AHNAK: variants seen among roughly 807,000 people sequenced by gnomAD.
The protein encoded by AHNAK is AHNAK nucleoprotein.
In AHNAK, 23 loss-of-function variants were observed where a neutral mutation model predicts 37.8. That is an observed-to-expected ratio of 0.61 (90% CI 0.44 to 0.86). AHNAK has a LOEUF of 0.86. Among genes scored for constraint, AHNAK ranks in the 40% least tolerant of loss-of-function variants. The probability of loss-of-function intolerance (pLI) is 0.00; values close to 1 mark genes in which losing one functional copy is unlikely to be tolerated. For missense variants in AHNAK, 7,411 were observed against 7,319.4 expected, an observed-to-expected ratio of 1.01 and a Z score of -0.46; for synonymous variants, 2,481 against 2,636.3, an observed-to-expected ratio of 0.94 and a Z score of 1.80.
chr11:62,475,601 A>ATTT (rs1939126267), intron 5 of AHNAK, among the ~76,000 whole-genome samples: 1 of 36,224 alleles, frequency 2.8e-5, no homozygotes, highest in Non-Finnish European at 5.9e-5. Flanking sequence ...GTTATGTTAT[A>ATTT]CTTTTTTTTT....
Position 62,527,334 on chromosome 11 carries a change from A to T in AHNAK, c.7083T>A (p.Ala2361=). ...PKLDADMPEV[A]VEGPNGKWKT... is the part of the protein sequence containing the mutation. The stretch of plus-strand genomic sequence containing the variant: ...TCCACTTGCCATTTGGGCCTTCCAC[A>T]GCTACTTCTGGCATGTCAGCATCTA... Residue 2361 remains alanine (A), a synonymous_variant, in exon 5 of 5, where the codon GCT becomes GCA. Coordinates refer to ENST00000378024, the MANE Select transcript of AHNAK (RefSeq NM_001620.3). 6.2e-7 allele frequency: 1 copy of T among 1,613,856 alleles called. No homozygotes were observed. Among genetic ancestry groups the T allele is most frequent in the Non-Finnish European group, 8.5e-7 (1 of 1,179,904 alleles).
At chr11:62,495,753 A>T (rs1246964750) in intron 4 of AHNAK, among the ~76,000 whole-genome samples, 3 of 146,634 alleles carry the variant, frequency 2.0e-5, no homozygotes, top group Non-Finnish European at 4.4e-5. Flanking sequence ...AAAAAAAAAA[A>T]AATAGCAGTA....
intron 5 of AHNAK, among the ~76,000 whole-genome samples, chr11:62,447,058 A>G (rs55869750): frequency 0.051 from 7,725 of 152,076 alleles, 250 homozygotes; most frequent in Middle Eastern, 0.13. Context: ...GTTCTATGGA[A>G]ACAGCCCTCT....
In AHNAK at chr11:62,491,752, G is replaced by C. The variant is rs750169347; in HGVS notation, c.422C>G (p.Ser141Ter). 2.0e-5 allele frequency: 32 copies of C among 1,612,034 alleles called. No individual in the cohort carries two copies. The highest frequency in any genetic ancestry group is 1.6e-4 in the Middle Eastern group (1 of 6,082). The change falls in exon 5 of 6, where the codon TCA becomes TGA. Residue 141 changes from serine (S) to a stop codon, truncating the protein, a stop_gained. Transcript: ENST00000257247. LOFTEE classifies it high-confidence loss of function. ...CTCACCTGCATTTGGGGTGGAGACT[G>C]AAACTGCCCCGGCTTGGCTGCTGGC... is the stretch of plus-strand genomic sequence containing the variant.
rs1366113885 is a variant in AHNAK, at chr11:62,531,236, G to T, written c.3181C>A (p.His1061Asn). 1.9e-6 allele frequency: 3 copies of T among 1,613,944 alleles called. No individual in the cohort carries two copies. Among genetic ancestry groups the T allele is most frequent in the Non-Finnish European group, 1.7e-6 (2 of 1,179,946 alleles). ...KGPKFKMPEM[H>N]FRAPKMSLPD... ...AAAGACATCTTAGGAGCTCTGAAGTGCATCTCAGGCATCTTAAACTTCGGG... is the reference window on the plus strand; with the variant it reads ...AAAGACATCTTAGGAGCTCTGAAGTTCATCTCAGGCATCTTAAACTTCGGG... Residue 1061 changes from histidine to asparagine, a missense_variant, in exon 5 of 5, where the codon CAC becomes AAC. By Grantham distance (68) the His-to-Asn change is moderately conservative (BLOSUM62 1). Transcript: ENST00000378024.
At position 62,523,114 on chromosome 11, in the gene AHNAK, G is replaced by A; in HGVS notation, c.11303C>T (p.Pro3768Leu). ...ACCCTTGAGGTCACCTTCCATTTTG[G>A]GCAGAGAAACATCCACATCGCCCTT... ...KVKGDVDVSL[P>L]KMEGDLKGPE... Residue 3768 changes from proline (P) to leucine (L), a missense_variant, in exon 5 of 5, where the codon CCC becomes CTC. Pro to Leu is a moderately conservative substitution (Grantham distance 98). Transcript: ENST00000378024. The A allele has an allele frequency of 6.2e-7, 1 of 1,613,900 alleles. No homozygotes were observed. Among genetic ancestry groups the A allele is most frequent in the Admixed American group, 1.7e-5 (1 of 59,980 alleles).
Position 62,521,123 on chromosome 11 carries a change from C to A in AHNAK, c.13294G>T (p.Asp4432Tyr), listed in dbSNP as rs934335247. 6.2e-7 allele frequency: 1 copy of A among 1,613,932 alleles called. No individual in the cohort carries two copies. Among genetic ancestry groups the A allele is most frequent in the Non-Finnish European group, 8.5e-7 (1 of 1,179,992 alleles). ...KGPSLDIDTP[D>Y]VNIEGPEGKL... ...CCTTCCGGACCTTCAATATTGACAT[C>A]AGGTGTGTCAATGTCCAAACTGGGG... Residue 4432 changes from aspartate (D) to tyrosine (Y), a missense_variant, in exon 5 of 5, where the codon GAT (aspartate) becomes TAT (tyrosine). By Grantham distance (160) the Asp-to-Tyr change is radical. Transcript: ENST00000378024.
intron 5 of AHNAK, among the ~76,000 whole-genome samples, chr11:62,481,966 C>T (rs1939285913): frequency 1.3e-5 from 2 of 152,114 alleles, no homozygotes; most frequent in African/African-American, 4.8e-5. Flanking sequence ...CCCACCATTC[C>T]CCAATGCATG....
In AHNAK at chr11:62,530,454, G is replaced by C; in HGVS notation, c.3963C>G (p.Pro1321=). Residue 1321 remains proline, a synonymous_variant, in exon 5 of 5, where the codon CCC becomes CCG. Transcript: ENST00000378024. ...FKMPEMHFKA[P]KISMPDVDLN... ...GGTCCACATCAGGCATGGAGATCTTGGGGGCCTTGAAGTGCATCTCAGGCA... is the reference window on the plus strand; with the variant it reads ...GGTCCACATCAGGCATGGAGATCTTCGGGGCCTTGAAGTGCATCTCAGGCA... 2 of 1,613,940 alleles carry C rather than the reference G, an allele frequency of 1.2e-6. No individual in the cohort carries two copies. Among genetic ancestry groups the C allele is most frequent in the Non-Finnish European group, 1.7e-6 (2 of 1,179,990 alleles).
chr11:62,518,418 A>G lies in AHNAK; in HGVS notation c.15999T>C (p.Gly5333=). The change falls in exon 5 of 5, where the codon GGT becomes GGC. Residue 5333 remains glycine, a synonymous_variant. Coordinates refer to ENST00000378024, the MANE Select transcript of AHNAK (RefSeq NM_001620.3). ...KVHAPGLNLS[G]VGGKMQVGGD... ...CTCCCACCTGCATTTTGCCACCGACACCACTGAGGTTGAGCCCTGGAGCAT... is the reference window on the plus strand; with the variant it reads ...CTCCCACCTGCATTTTGCCACCGACGCCACTGAGGTTGAGCCCTGGAGCAT... 3.1e-6 allele frequency: 5 copies of G among 1,614,076 alleles called. No individual in the cohort carries two copies. Among genetic ancestry groups the G allele is most frequent in the Non-Finnish European group, 4.2e-6 (5 of 1,180,004 alleles).
At chr11:62,446,480 G>A (rs1272726418) in intron 5 of AHNAK, among the ~76,000 whole-genome samples, 2 of 152,158 alleles carry the variant, frequency 1.3e-5, no homozygotes, top group East Asian at 3.9e-4. Context: ...GCTTTGTCCC[G>A]GGACTTCCCA....
At chr11:62,542,257 CT>C (rs1941152349) in intron 1 of AHNAK, among the ~76,000 whole-genome samples, 1 of 152,022 alleles carries the variant, frequency 6.6e-6, no homozygotes, top group South Asian at 2.1e-4. Flanking sequence ...GACAGTTGTC[CT>C]GCAGGTCCCT....
intron 5 of AHNAK, among the ~76,000 whole-genome samples, chr11:62,460,485 G>A (rs144657704): frequency 2.8e-3 from 428 of 152,304 alleles, no homozygotes; most frequent in African/African-American, 9.5e-3. Flanking sequence ...CCCAGTTGGC[G>A]TGACTTGATA....
intron 5 of AHNAK, among the ~76,000 whole-genome samples, chr11:62,465,430 T>A (rs1261620751): frequency 6.6e-6 from 1 of 152,138 alleles, no homozygotes; most frequent in South Asian, 2.1e-4. Flanking sequence ...CTGACCAACA[T>A]GGTGAAACCC....
chr11:62,532,789 A>G lies in AHNAK; in HGVS notation c.1628T>C (p.Ile543Thr), dbSNP rs1166075026. The change falls in exon 5 of 5, where the codon ATA (isoleucine) becomes ACA (threonine). Residue 543 changes from isoleucine to threonine, a missense_variant. Transcript: ENST00000378024. The stretch of plus-strand genomic sequence containing the variant: ...GGTTCCCTCTAGGTTTGGTGTCTCT[A>G]TGTCCACTCTGGAGCCTTTAAGTGC... ...QVALKGSRVD[I>T]ETPNLEGTLT... The G allele has an allele frequency of 3.7e-6, 6 of 1,613,958 alleles. No individual in the cohort carries two copies. The highest frequency in any genetic ancestry group is 2.2e-5 in the East Asian group (1 of 44,892).
At position 62,507,232 on chromosome 11, in the gene AHNAK, T is replaced by C. The variant is rs114517237; in HGVS notation, c.343-15401A>G. ...TCCTGACTCTGCTGTTTGCTAGCTGTGTGACCTTGGACATCCTGCTTAACT... is the reference window on the plus strand; with the variant it reads ...TCCTGACTCTGCTGTTTGCTAGCTGCGTGACCTTGGACATCCTGCTTAACT... On this transcript the variant is annotated intron_variant, in intron 4 of 5. Transcript: ENST00000257247. Among the ~76,000 whole-genome samples the C allele has an allele frequency of 6.8e-3, 1,032 of 152,314 alleles. 13 individuals carry two copies. The highest frequency in any genetic ancestry group is 0.023 in the African/African-American group (975 of 41,568).
At chr11:62,487,764 T>C (rs573083130) in intron 5 of AHNAK, among the ~76,000 whole-genome samples, 5 of 152,332 alleles carry the variant, frequency 3.3e-5, no homozygotes, top group African/African-American at 9.6e-5. Context: ...GAAAACCATG[T>C]AATGTTCAAA....
intron 5 of AHNAK, among the ~76,000 whole-genome samples, chr11:62,469,147 A>G (rs1938977751): frequency 6.6e-6 from 1 of 151,808 alleles, no homozygotes; most frequent in South Asian, 2.1e-4. Context: ...TTTGAGTCGG[A>G]GTCTTGTTCT....
chr11:62,438,754 C>G (rs1023762696), intron 5 of AHNAK, among the ~76,000 whole-genome samples: 1 of 152,088 alleles, frequency 6.6e-6, no homozygotes, highest in African/African-American at 2.4e-5. Flanking sequence ...GCCAGGAAGA[C>G]CTTCTCTGTT....
Sources: gnomAD v4.1 joint callset for allele counts (sites outside exome capture counted in the v4.1 genomes callset) on GRCh38, gnomAD v4.1.1 for gene constraint, MANE v1.5 for transcripts, NCBI Gene and HGNC (gene_info 2026-07-23, HGNC 2026-07-21) for gene names.